The following MYRIP variants were observed in gnomAD, a reference collection of about 807,000 sequenced individuals.
MYRIP encodes the protein myosin VIIA and Rab interacting protein.
Under a neutral mutation model 98.0 loss-of-function variants are expected in MYRIP, and 49 were observed. The observed-to-expected ratio is 0.50, with a 90% CI of 0.40 to 0.63. The LOEUF (loss-of-function observed/expected upper bound fraction) is 0.63. Among genes scored for constraint, MYRIP ranks in the 30% least tolerant of loss-of-function variants. MYRIP has a pLI of 0.00. For synonymous variants in MYRIP, 404 were observed against 409.5 expected (o/e 0.99, Z 0.16); for missense variants, 1,004 against 1,058.2 (o/e 0.95, Z 0.71).
At chr3:40,001,126 C>T (rs1445162643) in intron 2 of MYRIP, among the ~76,000 whole-genome samples, 1 of 151,982 alleles carries the variant, frequency 6.6e-6, no homozygotes, top group Non-Finnish European at 1.5e-5. Context: ...CATAACTATC[C>T]TAATGCTTCA....
rs771054780 is a variant in MYRIP, at chr3:40,209,940, A to G, written c.1752A>G (p.Arg584=). 2 of 1,614,074 alleles carry G rather than the reference A, an allele frequency of 1.2e-6. No homozygotes were observed. The highest frequency in any genetic ancestry group is 1.7e-6 in the Non-Finnish European group (2 of 1,179,956). Reference sequence around the variant, plus strand: ...CAGACACCACAGAGGAGAAACGGAGAAACAGGCTGTACGAGTTAGCAATGA... The same window carrying G: ...CAGACACCACAGAGGAGAAACGGAGGAACAGGCTGTACGAGTTAGCAATGA... The part of the protein sequence containing the change: ...TLTDTTEEKR[R]NRLYELAMKM... The change falls in exon 11 of 17, where the codon AGA becomes AGG. Residue 584 remains arginine (R), a synonymous_variant. Coordinates refer to ENST00000302541, the MANE Select transcript of MYRIP (RefSeq NM_015460.4).
Position 40,033,452 on chromosome 3 carries a change from A to G in MYRIP, c.111-10598A>G, listed in dbSNP as rs187098285. Among the ~76,000 whole-genome samples, 221 of 152,320 alleles carry G rather than the reference A, an allele frequency of 1.5e-3. 1 individual carries two copies. The highest frequency in any genetic ancestry group is 5.1e-3 in the African/African-American group (210 of 41,564). Reference sequence around the variant, plus strand: ...CAGACAAACAGAGACCCAAATCATGAGTGAACTCCCGTTCACAGTTGTTTC... The same window carrying G: ...CAGACAAACAGAGACCCAAATCATGGGTGAACTCCCGTTCACAGTTGTTTC... On this transcript the variant is annotated intron_variant, in intron 2 of 16. Transcript: ENST00000302541.
chr3:39,893,432 C>T (rs1032488930), intron 1 of MYRIP, among the ~76,000 whole-genome samples: 1 of 152,000 alleles, frequency 6.6e-6, no homozygotes, highest in Non-Finnish European at 1.5e-5. Flanking sequence ...TATTGTACCA[C>T]CTCTTGTTTT....
At position 39,844,014 on chromosome 3, in the gene MYRIP, A is replaced by T. The variant is rs142585488; in HGVS notation, c.-31+34098A>T. Among the ~76,000 whole-genome samples, 694 of 152,304 alleles carry T rather than the reference A, an allele frequency of 4.6e-3. 3 individuals are homozygous for T. The highest frequency in any genetic ancestry group is 0.01 in the Middle Eastern group (3 of 294). ...CTGGGGAAGAGGCTGAGAGACCTCC[A>T]CAGATGTCATCTTGTCTACTTGATT... is the stretch of plus-strand genomic sequence containing the variant. On this transcript the variant is annotated intron_variant, in intron 1 of 16. Transcript: ENST00000302541.
intron 2 of MYRIP, among the ~76,000 whole-genome samples, chr3:40,027,731 A>T (rs1254680123): frequency 6.6e-6 from 1 of 152,106 alleles, no homozygotes; most frequent in Non-Finnish European, 1.5e-5. Context: ...TTTTAAAAAA[A>T]ATCCTTAGCA....
chr3:39,998,760 C>T (rs1312792580), intron 2 of MYRIP, among the ~76,000 whole-genome samples: 1 of 152,136 alleles, frequency 6.6e-6, no homozygotes, highest in Non-Finnish European at 1.5e-5. Context: ...AGGCATCATG[C>T]TACCTGACTT....
chr3:39,820,660 A>G (rs1468723125), intron 1 of MYRIP, among the ~76,000 whole-genome samples: 2 of 152,202 alleles, frequency 1.3e-5, no homozygotes, highest in Non-Finnish European at 2.9e-5. Flanking sequence ...TGAGATGAGT[A>G]TCTTTCTTTT....
chr3:40,069,348 C>T (rs1948179770), intron 3 of MYRIP, among the ~76,000 whole-genome samples: 1 of 151,594 alleles, frequency 6.6e-6, no homozygotes, highest in Non-Finnish European at 1.5e-5. Flanking sequence ...CAAAAATTCA[C>T]AACAGATTCT....
intron 1 of MYRIP, among the ~76,000 whole-genome samples, chr3:39,846,862 A>G (rs1028468648): frequency 3.9e-5 from 6 of 152,164 alleles, no homozygotes; most frequent in Admixed American, 3.9e-4. Flanking sequence ...AGCTGATGGT[A>G]AAGTTCCCAT....
At chr3:39,924,903 T>C (rs1159144619) in intron 2 of MYRIP, among the ~76,000 whole-genome samples, 1 of 151,760 alleles carries the variant, frequency 6.6e-6, no homozygotes, top group Non-Finnish European at 1.5e-5. Flanking sequence ...AAAAATTCAT[T>C]GAACTGAATT....
At chr3:39,863,596 C>T (rs1226551050) in intron 1 of MYRIP, among the ~76,000 whole-genome samples, 1 of 152,094 alleles carries the variant, frequency 6.6e-6, no homozygotes. Flanking sequence ...AATGTACAAC[C>T]TCCCAAGATT....
intron 2 of MYRIP, among the ~76,000 whole-genome samples, chr3:39,940,342 G>A (rs930064882): frequency 2.6e-5 from 4 of 152,054 alleles, no homozygotes; most frequent in Non-Finnish European, 4.4e-5. Context: ...TGTAAGGTGA[G>A]TAAAGATACT....
chr3:40,229,260 G>A (rs983257449), intron 11 of MYRIP, among the ~76,000 whole-genome samples: 5 of 152,256 alleles, frequency 3.3e-5, no homozygotes, highest in South Asian at 2.1e-4. Context: ...ATTTTTATAC[G>A]GAGAGAAAGC....
chr3:39,881,228 T>C (rs1487643742), intron 1 of MYRIP, among the ~76,000 whole-genome samples: 2 of 134,470 alleles, frequency 1.5e-5, no homozygotes, highest in African/African-American at 2.7e-5. Flanking sequence ...TCTTCTGTTA[T>C]CCTGTTTGTT....
chr3:39,860,376 A>T (rs1942433529), intron 1 of MYRIP, among the ~76,000 whole-genome samples: 1 of 152,208 alleles, frequency 6.6e-6, no homozygotes, highest in Non-Finnish European at 1.5e-5. Context: ...TTGATATGGC[A>T]GCATCTCTAG....
Position 40,022,590 on chromosome 3 carries a change from C to T in MYRIP, c.111-21460C>T, listed in dbSNP as rs60083561. On this transcript the variant is annotated intron_variant, in intron 2 of 16. Transcript: ENST00000302541. ...TTGTTTTGAGGCAGATCTCTCTGCT[C>T]TGGTCATTGAAGGCAGCTTGGAATG... is the stretch of plus-strand genomic sequence containing the variant. Among the ~76,000 whole-genome samples, 162 of 152,202 alleles carry T rather than the reference C, an allele frequency of 1.1e-3. 2 individuals carry two copies. The highest frequency in any genetic ancestry group is 3.8e-3 in the African/African-American group (158 of 41,544).
chr3:40,097,459 T>C (rs980852593), intron 3 of MYRIP, among the ~76,000 whole-genome samples: 1 of 152,080 alleles, frequency 6.6e-6, no homozygotes, highest in Non-Finnish European at 1.5e-5. Context: ...GTGTTTTCAA[T>C]TTTGGTAGGA....
In MYRIP at chr3:40,190,396, G is replaced by A. The variant is rs976204879; in HGVS notation, c.1598G>A (p.Gly533Asp). ...AGGAGGTGGAGAAGAGCCCGACTGG[G>A]CTCAGAAGAGCCAAGCAAAGAACCA... ...RARRWRRARL[G>D]SEEPSKEPSS... Residue 533 changes from glycine to aspartate, a missense_variant, in exon 10 of 17, where the codon GGC (glycine) becomes GAC (aspartate). Physicochemically the swap from Gly to Asp is moderately conservative, Grantham distance 94 (BLOSUM62 -1). Transcript: ENST00000302541. The A allele has an allele frequency of 6.2e-7, 1 of 1,613,294 alleles. No individual in the cohort carries two copies.
intron 1 of MYRIP, among the ~76,000 whole-genome samples, chr3:39,893,657 ATTATT>A (rs1290167687): frequency 6.8e-6 from 1 of 147,760 alleles, no homozygotes; most frequent in Non-Finnish European, 1.5e-5. Flanking sequence ...TGATTAGTTA[ATTATT>A]TTAAGTGGAA....
Sources: gnomAD v4.1 joint callset for allele counts (sites outside exome capture counted in the v4.1 genomes callset) on GRCh38, gnomAD v4.1.1 for gene constraint, MANE v1.5 for transcripts, NCBI Gene and HGNC (gene_info 2026-07-23, HGNC 2026-07-21) for gene names.